ARHGAP24: variants seen among roughly 807,000 people sequenced by gnomAD.
The protein encoded by ARHGAP24 is Rho GTPase activating protein 24, also known as rho GTPase-activating protein 24.
A neutral mutation model predicts 76.4 loss-of-function variants in ARHGAP24; 50 were observed. That is an observed-to-expected ratio of 0.65 (90% CI 0.52 to 0.83). The LOEUF is 0.83. Among genes scored for constraint, ARHGAP24 ranks in the 40% least tolerant of loss-of-function variants. The pLI is 0.00. For missense variants in ARHGAP24, 930 were observed against 914.2 expected, an observed-to-expected ratio of 1.02 and a Z score of -0.22; for synonymous variants, 345 against 323.3, an observed-to-expected ratio of 1.07 and a Z score of -0.72.
chr4:85,812,031 C>A (rs1270838312), intron 3 of ARHGAP24, among the ~76,000 whole-genome samples: 1 of 151,972 alleles, frequency 6.6e-6, no homozygotes, highest in Admixed American at 6.6e-5. Flanking sequence ...CAAAAATTAG[C>A]CAGGCATGGT....
At chr4:85,584,954 AC>A (rs900284986) in intron 2 of ARHGAP24, among the ~76,000 whole-genome samples, 2 of 152,208 alleles carry the variant, frequency 1.3e-5, no homozygotes, top group African/African-American at 4.8e-5. Flanking sequence ...CCTTCTGTAG[AC>A]CATGCTTGGT....
At position 85,768,120 on chromosome 4, in the gene ARHGAP24, A is replaced by G. The variant is rs151069028; in HGVS notation, c.268+46148A>G. 6.4e-4 allele frequency among the ~76,000 whole-genome samples: 98 copies of G among 152,336 alleles called. 2 individuals are homozygous for G. The East Asian group carries it at 0.013, about 19-fold the overall frequency. On this transcript the variant is annotated intron_variant, in intron 3 of 9. Transcript: ENST00000395184. ...AAAAGAGAAATAAATTGGCGTGACA[A>G]CTTGCAAACATGTTATAGCAAAATG...
intron 2 of ARHGAP24, 121 bp from the exon 3 acceptor site, chr4:85,721,764 T>C (rs1409013289): frequency 6.6e-5 from 54 of 824,060 alleles, no homozygotes; most frequent in Non-Finnish European, 9.4e-5. Flanking sequence ...ATATAAAAGA[T>C]TCTGATGCAT....
rs754756194 is a variant in ARHGAP24, at chr4:85,994,960, G to A, written c.1306G>A (p.Gly436Arg). 6.2e-6 allele frequency: 10 copies of A among 1,613,960 alleles called. No homozygotes were observed. The Admixed American group carries it at 1.7e-4, about 27-fold the overall frequency. ...TAAGGGTAGTGGGATAGTTACCAAT[G>A]GGTCCTTCAGCAGCAGTAATGCAGA... Reference protein sequence around the residue: ...FNKGSGIVTNGSFSSSNAEGL... With the variant: ...FNKGSGIVTNRSFSSSNAEGL... Residue 436 changes from glycine (G) to arginine (R), a missense_variant, in exon 9 of 10, where the codon GGG becomes AGG. Gly to Arg is a moderately radical substitution (Grantham distance 125, BLOSUM62 -2). Transcript: ENST00000395184.
chr4:85,982,737 G>A (rs1312392114), intron 8 of ARHGAP24, among the ~76,000 whole-genome samples: 1 of 152,090 alleles, frequency 6.6e-6, no homozygotes, highest in Non-Finnish European at 1.5e-5. Context: ...ATAGAAAGTT[G>A]TTTTTTGTGT....
intron 3 of ARHGAP24, among the ~76,000 whole-genome samples, chr4:85,812,405 T>A (rs1729054222): frequency 6.6e-6 from 1 of 152,144 alleles, no homozygotes; most frequent in Non-Finnish European, 1.5e-5. Context: ...CTTGAGCTTT[T>A]AAGATTATTT....
chr4:85,637,310 T>C (rs984878515), intron 2 of ARHGAP24, among the ~76,000 whole-genome samples: 1 of 152,106 alleles, frequency 6.6e-6, no homozygotes, highest in African/African-American at 2.4e-5. Context: ...AGTCCAAAGA[T>C]CTTTTGCATC....
chr4:85,823,089 G>C lies in ARHGAP24; in HGVS notation c.269-100559G>C, dbSNP rs140701329. On this transcript the variant is annotated intron_variant, in intron 3 of 9. Transcript: ENST00000395184. Reference sequence around the variant, plus strand: ...TTATGAACTAGAGTTACTATTTTCTGCTCTTTCTTTCTTTCTTTCCTTCCT... The same window carrying C: ...TTATGAACTAGAGTTACTATTTTCTCCTCTTTCTTTCTTTCTTTCCTTCCT... Among the ~76,000 whole-genome samples, 1,444 of 152,182 alleles carry C rather than the reference G, an allele frequency of 9.5e-3. 27 individuals are homozygous for C. The highest frequency in any genetic ancestry group is 0.033 in the African/African-American group (1,352 of 41,528).
At chr4:85,550,879 T>G (rs1050368601) in intron 1 of ARHGAP24, among the ~76,000 whole-genome samples, 1 of 152,192 alleles carries the variant, frequency 6.6e-6, no homozygotes, top group Admixed American at 6.5e-5. Context: ...CTACTGAATT[T>G]TGTGCCCTGA....
chr4:85,967,044 A>C (rs544708305), intron 5 of ARHGAP24, among the ~76,000 whole-genome samples: 1 of 152,230 alleles, frequency 6.6e-6, no homozygotes, highest in South Asian at 2.1e-4. Context: ...AAGTATGTTT[A>C]TGAGGAAAGG....
chr4:85,885,572 C>T (rs1292209917), intron 3 of ARHGAP24, among the ~76,000 whole-genome samples: 3 of 151,968 alleles, frequency 2.0e-5, no homozygotes, highest in African/African-American at 7.2e-5. Flanking sequence ...ATAACAAAAC[C>T]ATTCTTGGAT....
chr4:85,755,210 C>CT (rs1192520296), intron 3 of ARHGAP24, among the ~76,000 whole-genome samples: 4 of 151,956 alleles, frequency 2.6e-5, no homozygotes, highest in South Asian at 2.1e-4. Context: ...TAAAATGTAA[C>CT]TTTTTTTTCT....
At chr4:85,973,117 T>C (rs1739088036) in intron 6 of ARHGAP24, among the ~76,000 whole-genome samples, 2 of 152,324 alleles carry the variant, frequency 1.3e-5, no homozygotes, top group Non-Finnish European at 2.9e-5. Flanking sequence ...ACTCTGTTTT[T>C]CAAGAGGGCT....
rs560683200 is a variant in ARHGAP24 at position 85,629,393 on chromosome 4, T to G, written c.180+58672T>G. On this transcript the variant is annotated intron_variant, in intron 2 of 9. Coordinates refer to ENST00000395184, the MANE Select transcript of ARHGAP24 (RefSeq NM_001025616.3). ...AAATCAAGTTATTTATATACTATCT[T>G]TATAATAATAGAGTCTTCTGAATTT... Among the ~76,000 whole-genome samples the G allele has an allele frequency of 2.6e-5, 4 of 152,320 alleles. No individual in the cohort carries two copies. In the East Asian group the frequency reaches 7.7e-4, roughly 29 times the overall value.
At chr4:85,982,094 A>T (rs1418872955) in intron 8 of ARHGAP24, among the ~76,000 whole-genome samples, 1 of 151,208 alleles carries the variant, frequency 6.6e-6, no homozygotes, top group Non-Finnish European at 1.5e-5. Context: ...GTTGCCCATG[A>T]GTTTTGACTT....
intron 2 of ARHGAP24, among the ~76,000 whole-genome samples, chr4:85,707,736 T>G (rs2110031944): frequency 6.6e-6 from 1 of 152,288 alleles, no homozygotes; most frequent in Admixed American, 6.5e-5. Context: ...GACCATTTAT[T>G]GTCCTAGGCA....
intron 1 of ARHGAP24, among the ~76,000 whole-genome samples, chr4:85,498,801 T>C (rs1723682628): frequency 1.3e-5 from 2 of 152,252 alleles, no homozygotes; most frequent in African/African-American, 2.4e-5. Flanking sequence ...ATACTTGTAT[T>C]AGTAAATTAA....
At chr4:85,520,131 C>A (rs1336228447) in intron 1 of ARHGAP24, among the ~76,000 whole-genome samples, 1 of 152,120 alleles carries the variant, frequency 6.6e-6, no homozygotes, top group Non-Finnish European at 1.5e-5. Context: ...ACCAGCTATA[C>A]AAGACAAATA....
chr4:85,586,552 A>C (rs1162147030), intron 2 of ARHGAP24, among the ~76,000 whole-genome samples: 1 of 152,178 alleles, frequency 6.6e-6, no homozygotes, highest in African/African-American at 2.4e-5. Flanking sequence ...TAGAAAAGGA[A>C]GCTGAGGGTC....
Sources: allele counts gnomAD v4.1 joint callset (sites outside exome capture counted in the v4.1 genomes callset), GRCh38; gene constraint gnomAD v4.1.1; transcripts MANE v1.5; gene names NCBI Gene and HGNC (gene_info 2026-07-23, HGNC 2026-07-21).